The following C10orf90 variants were observed in gnomAD, a reference collection of about 807,000 sequenced individuals.
The protein encoded by C10orf90 is chromosome 10 open reading frame 90, also known as (E2-independent) E3 ubiquitin-conjugating enzyme FATS.
A neutral mutation model predicts 62.5 loss-of-function variants in C10orf90; 56 were observed. The observed-to-expected ratio is 0.90, with a 90% confidence interval of 0.72 to 1.12. The LOEUF (loss-of-function observed/expected upper bound fraction) is 1.12, where lower values mean the gene tolerates loss of function less well. Among genes scored for constraint, C10orf90 ranks in the 50% most tolerant of loss-of-function variants. The pLI is 0.00. For synonymous variants in C10orf90, 386 were observed against 340.4 expected (o/e 1.13, Z -1.47); for missense variants, 970 against 880.4 (o/e 1.10, Z -1.29).
intron 4 of C10orf90, among the ~76,000 whole-genome samples, chr10:126,483,115 A>T (rs1861248669): frequency 6.6e-6 from 1 of 152,248 alleles, no homozygotes; most frequent in South Asian, 2.1e-4. Flanking sequence ...TAACAAATGA[A>T]TCTTTATAAA....
chr10:126,606,503 G>A (rs1044030958), intron 2 of C10orf90, among the ~76,000 whole-genome samples: 3 of 152,030 alleles, frequency 2.0e-5, no homozygotes, highest in Admixed American at 6.6e-5. Context: ...GAAGTTATCC[G>A]GTGTGGGCTC....
intron 1 of C10orf90, among the ~76,000 whole-genome samples, chr10:126,660,995 A>G (rs1007683687): frequency 4.6e-5 from 7 of 152,204 alleles, no homozygotes; most frequent in Non-Finnish European, 8.8e-5. Context: ...CTGCTATTGT[A>G]TGCTTGACAC....
chr10:126,543,158 T>C (rs1407109555), intron 2 of C10orf90, among the ~76,000 whole-genome samples: 1 of 152,162 alleles, frequency 6.6e-6, no homozygotes, highest in Non-Finnish European at 1.5e-5. Context: ...TACAGTATAG[T>C]ATATAGTTTC....
intron 4 of C10orf90, among the ~76,000 whole-genome samples, chr10:126,495,290 G>A (rs557095830): frequency 6.6e-6 from 1 of 152,124 alleles, no homozygotes; most frequent in Non-Finnish European, 1.5e-5. Context: ...TTGGGAGGCC[G>A]AGACGGGTGG....
intron 2 of C10orf90, among the ~76,000 whole-genome samples, chr10:126,614,692 C>T (rs114887604): frequency 0.032 from 4,814 of 152,182 alleles, 238 homozygotes; most frequent in African/African-American, 0.11. Context: ...GTTCATCAAA[C>T]TCGAAGAACA....
intron 2 of C10orf90, among the ~76,000 whole-genome samples, chr10:126,632,179 C>T (rs1334817083): frequency 2.6e-5 from 4 of 152,044 alleles, no homozygotes; most frequent in Non-Finnish European, 4.4e-5. Flanking sequence ...GGCCTTTCCA[C>T]CCCACCCTCT....
chr10:126,503,940 A>AT lies in C10orf90; in HGVS notation c.1534+16dup. On this transcript the variant is annotated intron_variant, in intron 4 of 9. Coordinates refer to ENST00000488181, the MANE Select transcript of C10orf90 (RefSeq NM_001350921.2). ...ATTTACTCAGGTCACCCTCCTGCAG[A>AT]TGGACGCACCACTCACCTGCCCTGT... The AT allele has an allele frequency of 6.3e-7, 1 of 1,593,982 alleles. No individual in the cohort carries two copies. Among genetic ancestry groups the AT allele is most frequent in the Non-Finnish European group, 8.5e-7 (1 of 1,170,042 alleles).
At chr10:126,470,315 T>C (rs764869663) in intron 4 of C10orf90, among the ~76,000 whole-genome samples, 18 of 152,250 alleles carry the variant, frequency 1.2e-4, no homozygotes, top group Non-Finnish European at 2.2e-4. Flanking sequence ...GCACAGCTTT[T>C]CAAGCAAGTG....
At chr10:126,578,500 A>G (rs767158347) in intron 2 of C10orf90, among the ~76,000 whole-genome samples, 4 of 152,224 alleles carry the variant, frequency 2.6e-5, no homozygotes, top group Admixed American at 1.3e-4. Context: ...TAGCAAGGAT[A>G]TGGAGCAACT....
intron 2 of C10orf90, among the ~76,000 whole-genome samples, chr10:126,525,610 C>T (rs11245018): frequency 0.027 from 4,084 of 152,222 alleles, 71 homozygotes; most frequent in East Asian, 0.042. Context: ...ATTAGCCACA[C>T]GCTGCACATC....
intron 1 of C10orf90, among the ~76,000 whole-genome samples, chr10:126,649,691 T>C (rs1406724956): frequency 2.0e-5 from 3 of 152,196 alleles, no homozygotes; most frequent in South Asian, 2.1e-4. Flanking sequence ...CACTGATGCA[T>C]GTGAATCTAC....
intron 8 of C10orf90, among the ~76,000 whole-genome samples, chr10:126,427,719 G>T (rs566205055): frequency 6.6e-6 from 1 of 152,152 alleles, no homozygotes; most frequent in South Asian, 2.1e-4. Flanking sequence ...TGCACCGGGG[G>T]CTCTCAGGCC....
intron 2 of C10orf90, among the ~76,000 whole-genome samples, chr10:126,554,998 A>G (rs1391693160): frequency 6.6e-6 from 1 of 152,174 alleles, no homozygotes; most frequent in Non-Finnish European, 1.5e-5. Context: ...AATCCTGGAA[A>G]ATGTCTCCCA....
At chr10:126,627,361 T>C (rs1057444095) in intron 2 of C10orf90, among the ~76,000 whole-genome samples, 2 of 152,184 alleles carry the variant, frequency 1.3e-5, no homozygotes, top group African/African-American at 2.4e-5. Context: ...GGTTCCACTG[T>C]AACATGTCTC....
intron 2 of C10orf90, among the ~76,000 whole-genome samples, chr10:126,514,168 C>T (rs1863299465): frequency 6.6e-6 from 1 of 152,034 alleles, no homozygotes; most frequent in African/African-American, 2.4e-5. Context: ...ATTTCTTCTT[C>T]CATATGATCG....
At chr10:126,579,101 A>C (rs185702182) in intron 2 of C10orf90, among the ~76,000 whole-genome samples, 69 of 151,782 alleles carry the variant, frequency 4.5e-4, no homozygotes, top group African/African-American at 1.6e-3. Flanking sequence ...CTCTGCTCTT[A>C]TGGGTAGACA....
chr10:126,504,982 G>T lies in C10orf90; in HGVS notation c.509C>A (p.Pro170Gln), dbSNP rs377089558. 5.0e-6 allele frequency: 8 copies of T among 1,614,234 alleles called. No individual in the cohort carries two copies. In the Admixed American group the frequency reaches 1.3e-4, roughly 27 times the overall value. The change falls in exon 4 of 10, where the codon CCG becomes CAG. Residue 170 changes from proline (P) to glutamine (Q), a missense_variant. By Grantham distance (76) the Pro-to-Gln change is moderately conservative. Transcript: ENST00000488181. The surrounding 1 kb of genome is among the most constrained non-coding windows in gnomAD (Gnocchi z 4.1). ...SRENRASLPL[P>Q]CAIAQSRAHH... ...TGCACGAGACTGAGCAATGGCACAC[G>T]GTAGGGGCAAGGAGGCCCTGTTTTC...
chr10:126,463,305 T>G (rs1241025221), intron 5 of C10orf90: 1 of 152,576 alleles, frequency 6.6e-6, no homozygotes, highest in Non-Finnish European at 1.5e-5. Context: ...AGCCCCTCCT[T>G]CACAGTGACT....
rs1591165089 is a variant in C10orf90, at chr10:126,638,560, C to T, written c.313+8005G>A. Among the ~76,000 whole-genome samples the T allele has an allele frequency of 5.3e-5, 8 of 152,252 alleles. No individual in the cohort carries two copies. The South Asian group carries it at 1.7e-3, about 32-fold the overall frequency. ...GCCCACTCCTCTACATCTTCTCTCTCCCCCTGCCAGGCCCTCCTGGTGAAA... is the reference window on the plus strand; with the variant it reads ...GCCCACTCCTCTACATCTTCTCTCTTCCCCTGCCAGGCCCTCCTGGTGAAA... On this transcript the variant is annotated intron_variant, in intron 2 of 9. Coordinates refer to ENST00000488181, the MANE Select transcript of C10orf90 (RefSeq NM_001350921.2).
Sources: allele counts gnomAD v4.1 joint callset (sites outside exome capture counted in the v4.1 genomes callset), GRCh38; gene constraint gnomAD v4.1.1; non-coding constraint Gnocchi (gnomAD v3.1); transcripts MANE v1.5; gene names NCBI Gene and HGNC (gene_info 2026-07-23, HGNC 2026-07-21).